COL18A1: variants seen among roughly 807,000 people sequenced by gnomAD.
COL18A1 encodes the protein collagen type XVIII alpha 1 chain.
Under a neutral mutation model 168.0 loss-of-function variants are expected in COL18A1, and 133 were observed. That is an observed-to-expected ratio of 0.79 (90% CI 0.69 to 0.91). COL18A1 has a LOEUF of 0.91. Among genes scored for constraint, COL18A1 ranks in the 40% least tolerant of loss-of-function variants. The pLI, the probability that COL18A1 is intolerant of heterozygous loss-of-function variation, is 0.00. For synonymous variants in COL18A1, 949 were observed against 809.0 expected, an observed-to-expected ratio of 1.17 and a Z score of -2.94; for missense variants, 2,126 against 1,925.4, an observed-to-expected ratio of 1.10 and a Z score of -1.95.
chr21:45,446,461 A>G lies in COL18A1; in HGVS notation c.107-21781A>G, dbSNP rs762847916. 2.0e-5 allele frequency among the ~76,000 whole-genome samples: 3 copies of G among 152,370 alleles called. No individual in the cohort carries two copies. The South Asian group carries it at 6.2e-4, about 32-fold the overall frequency. ...AACTACTCAAACTGATTCAACAAGA[A>G]ATAGACAATGTGAATAGATATATAA... On this transcript the variant is annotated intron_variant, in intron 2 of 41. Transcript: ENST00000651438.
chr21:45,504,951 C>T (rs2037102470), intron 34 of COL18A1, among the ~76,000 whole-genome samples, 183 bp from the exon 35 acceptor site: 1 of 151,996 alleles, frequency 6.6e-6, no homozygotes, highest in Non-Finnish European at 1.5e-5. Flanking sequence ...CGGGATCGCA[C>T]CCCCAGGGAA....
intron 22 of COL18A1, among the ~76,000 whole-genome samples, chr21:45,491,940 A>T (rs1347344031): frequency 2.4e-5 from 2 of 84,550 alleles, no homozygotes; most frequent in African/African-American, 1.5e-4. Flanking sequence ...ATCCCTGCAG[A>T]GTTCTCTGTG....
At chr21:45,439,290 G>T (rs1295440829) in intron 2 of COL18A1, among the ~76,000 whole-genome samples, 2 of 152,230 alleles carry the variant, frequency 1.3e-5, no homozygotes, top group African/African-American at 4.8e-5. Flanking sequence ...CCGTGGTCCA[G>T]GGGCGCGGAG....
In COL18A1 at chr21:45,500,025, G is replaced by A. The variant is rs149240021; in HGVS notation, c.2683+2364G>A. 1.7e-3 allele frequency among the ~76,000 whole-genome samples: 263 copies of A among 152,232 alleles called. 2 individuals carry two copies. Among genetic ancestry groups the A allele is most frequent in the Non-Finnish European group, 2.6e-3 (178 of 68,020 alleles). The stretch of plus-strand genomic sequence containing the variant: ...GTGCCGCTTACAAGAGACGCTCCCC[G>A]AACGTGAGGGCTGGAGAGGTCGAGG... On this transcript the variant is annotated intron_variant, in intron 32 of 41. Coordinates refer to ENST00000651438, the MANE Select transcript of COL18A1 (RefSeq NM_001379500.1).
At chr21:45,488,364 T>C (rs1196985729) in intron 17 of COL18A1, 54 bp from the exon 18 acceptor site, 1 of 1,613,136 alleles carries the variant, frequency 6.2e-7, no homozygotes, top group South Asian at 1.1e-5. Context: ...GGCAGACGCA[T>C]CTCACAGCAG....
intron 2 of COL18A1, among the ~76,000 whole-genome samples, chr21:45,464,270 T>G (rs74984994): frequency 0.029 from 4,441 of 152,234 alleles, 231 homozygotes; most frequent in African/African-American, 0.1. Flanking sequence ...GATGGGATTT[T>G]GGGGATGAGA....
intron 34 of COL18A1, 76 bp from the exon 35 acceptor site, chr21:45,505,058 T>A (rs2146079862): frequency 6.4e-6 from 10 of 1,554,740 alleles, no homozygotes; most frequent in Non-Finnish European, 8.7e-6. Flanking sequence ...TCTTGGCAGC[T>A]GCAGCCCCAC....
chr21:45,477,683 C>T lies in COL18A1; in HGVS notation c.1006-67C>T, dbSNP rs376694299. The T allele has an allele frequency of 2.4e-4, 335 of 1,418,354 alleles. 1 individual carries two copies. The Middle Eastern group carries it at 2.6e-3, about 11-fold the overall frequency. The allele number at this position is 1,418,354 out of a possible 1,614,324, so 87.9% of individuals were successfully genotyped here. On this transcript the variant is annotated intron_variant, in intron 7 of 41. Coordinates refer to ENST00000651438, the MANE Select transcript of COL18A1 (RefSeq NM_001379500.1). ...CAGCCTGGGACTCTGGAGGGCGCAGCGGGACACGTGGGCAGGGTGTGTGGG... is the reference window on the plus strand; with the variant it reads ...CAGCCTGGGACTCTGGAGGGCGCAGTGGGACACGTGGGCAGGGTGTGTGGG...
intron 2 of COL18A1, among the ~76,000 whole-genome samples, chr21:45,450,710 TCTTGGCAC>T (rs2034602034): frequency 6.6e-6 from 1 of 152,080 alleles, no homozygotes; most frequent in South Asian, 2.1e-4. Flanking sequence ...GAGGCTCAGT[TCTTGGCAC>T]CTGTGTTCAT....
chr21:45,502,942 G>A (rs2036942248), intron 32 of COL18A1: 1 of 151,994 alleles, frequency 6.6e-6, no homozygotes, highest in Admixed American at 6.6e-5. Flanking sequence ...CAGATGGAAG[G>A]GCAGTCTAGA....
rs1020838280 is a variant in COL18A1, at chr21:45,513,435, G to A, written c.*1037G>A. On this transcript the variant is annotated 3_prime_UTR_variant, in exon 42 of 42. Coordinates refer to ENST00000651438, the MANE Select transcript of COL18A1 (RefSeq NM_001379500.1). ...TATCCTTACCCTCCTTGGGACTGAAGGGGAACCCCGGGGTGCCCACAGGCC... is the reference window on the plus strand; with the variant it reads ...TATCCTTACCCTCCTTGGGACTGAAAGGGAACCCCGGGGTGCCCACAGGCC... 1 of 152,234 alleles carries A rather than the reference G, an allele frequency of 6.6e-6. No individual in the cohort carries two copies. The highest frequency in any genetic ancestry group is 1.9e-4 in the East Asian group (1 of 5,174). 9.4% of individuals were successfully genotyped at this position (152,234 alleles called of 1,614,324 possible). A position where few individuals can be genotyped will look rare whatever the true frequency, so the allele number is the denominator to read the frequency against.
At chr21:45,481,292 A>G (rs1393913368) in intron 13 of COL18A1, among the ~76,000 whole-genome samples, 1 of 152,120 alleles carries the variant, frequency 6.6e-6, no homozygotes, top group Non-Finnish European at 1.5e-5. Context: ...TCTGCCACAC[A>G]TGACGGGCAG....
intron 5 of COL18A1, among the ~76,000 whole-genome samples, chr21:45,475,913 C>T (rs999490528): frequency 2.6e-5 from 4 of 152,246 alleles, no homozygotes; most frequent in Admixed American, 2.6e-4. Context: ...GAGAAGGCGG[C>T]GCAGGGAGCG....
chr21:45,481,031 G>A (rs2035873907), intron 13 of COL18A1, among the ~76,000 whole-genome samples, 173 bp downstream of exon 13: 1 of 152,214 alleles, frequency 6.6e-6, no homozygotes, highest in Non-Finnish European at 1.5e-5. Context: ...CCTGGGGTGT[G>A]CGGAAGCACC....
chr21:45,478,876 G>T (rs1387980854), intron 9 of COL18A1, among the ~76,000 whole-genome samples: 2 of 152,232 alleles, frequency 1.3e-5, no homozygotes, highest in African/African-American at 4.8e-5. Flanking sequence ...CGTCACGAAC[G>T]CTGGACAGGA....
intron 15 of COL18A1, among the ~76,000 whole-genome samples, chr21:45,484,195 GCA>G (rs141493268): frequency 2.0e-5 from 2 of 101,056 alleles, no homozygotes; most frequent in Non-Finnish European, 3.7e-5. Flanking sequence ...CAGCATATGT[GCA>G]CACACACATA....
chr21:45,433,499 C>T (rs558773074), intron 2 of COL18A1, among the ~76,000 whole-genome samples: 19 of 152,242 alleles, frequency 1.2e-4, no homozygotes, highest in African/African-American at 3.8e-4. Context: ...TTGCAGGTCT[C>T]GGGTGGATTC....
intron 2 of COL18A1, among the ~76,000 whole-genome samples, chr21:45,467,104 C>T (rs1602452842): frequency 6.6e-6 from 1 of 152,244 alleles, no homozygotes; most frequent in East Asian, 1.9e-4. Flanking sequence ...CTGGCCCAGA[C>T]TGTGGCTGCA....
In COL18A1 at chr21:45,512,330, G is replaced by A. The variant is rs773239355; in HGVS notation, c.3952G>A (p.Ala1318Thr). 1.9e-6 allele frequency: 3 copies of A among 1,612,610 alleles called. No individual in the cohort carries two copies. The highest frequency in any genetic ancestry group is 2.5e-6 in the Non-Finnish European group (3 of 1,179,822). The part of the protein sequence containing the change: ...LLGGRLLGQS[A>T]ASCHHAYIVL... ...GGGGGGCAGGCTCCTGGGGCAGAGT[G>A]CCGCGAGCTGCCATCACGCCTACAT... The change falls in exon 42 of 42, where the codon GCC (alanine) becomes ACC (threonine). Residue 1318 changes from alanine to threonine, a missense_variant. Physicochemically the swap from Ala to Thr is moderately conservative, Grantham distance 58 (BLOSUM62 0). Coordinates refer to ENST00000651438, the MANE Select transcript of COL18A1 (RefSeq NM_001379500.1).
Sources: allele counts gnomAD v4.1 joint callset (sites outside exome capture counted in the v4.1 genomes callset), GRCh38; gene constraint gnomAD v4.1.1; transcripts MANE v1.5; gene names NCBI Gene and HGNC (gene_info 2026-07-23, HGNC 2026-07-21).